Variants in HEATR1 observed in about 807,000 individuals in gnomAD.
The protein encoded by HEATR1 is HEAT repeat-containing protein 1.
A neutral mutation model predicts 248.2 loss-of-function variants in HEATR1; 77 were observed. The ratio of observed to expected loss-of-function variants is 0.31; its 90% confidence interval spans 0.26 to 0.37. The LOEUF (loss-of-function observed/expected upper bound fraction) is 0.37. Ranked by LOEUF, HEATR1 falls within the 10% of genes least tolerant of loss-of-function variation. The pLI, the probability that HEATR1 is intolerant of heterozygous loss-of-function variation, is 1.00. For synonymous variants in HEATR1, 897 were observed against 923.1 expected (o/e 0.97, Z 0.51); for missense variants, 2,420 against 2,504.9 (o/e 0.97, Z 0.72).
At chr1:236,560,902 G>T (rs1663113981) in intron 33 of HEATR1, among the ~76,000 whole-genome samples, 1 of 152,214 alleles carries the variant, frequency 6.6e-6, no homozygotes, top group Non-Finnish European at 1.5e-5. Flanking sequence ...AGAGTGTTGG[G>T]ATAATTAGGG....
chr1:236,572,323 A>G, intron 26 of HEATR1, 88 bp downstream of exon 26: 1 of 1,364,058 alleles, frequency 7.3e-7, no homozygotes, highest in Non-Finnish European at 1.0e-6. Flanking sequence ...TCTAAACAAG[A>G]GAAGAGTATG....
Position 236,595,833 on chromosome 1 carries a change from T to G in HEATR1, c.956A>C (p.Lys319Thr), listed in dbSNP as rs749945048. Residue 319 changes from lysine to threonine, a missense_variant and splice_region_variant, in exon 7 of 45, where the codon AAG becomes ACG. By Grantham distance (78) the Lys-to-Thr change is moderately conservative. Coordinates refer to ENST00000366582, the MANE Select transcript of HEATR1 (RefSeq NM_018072.6). ...CATTTCTCAATTCAATTGTACATAC[T>G]TTTTCCCAAGGCTCTCTGGCTTCTG... ...QRQKPESLGK[K>T]PFPHLCNVPD... 6.2e-7 allele frequency: 1 copy of G among 1,611,236 alleles called. No individual in the cohort carries two copies. The highest frequency in any genetic ancestry group is 1.7e-5 in the Admixed American group (1 of 60,016).
chr1:236,604,462 T>C lies in HEATR1; in HGVS notation c.-73A>G, dbSNP rs1664419553. 1 of 176,696 alleles carries C rather than the reference T, an allele frequency of 5.7e-6. No individual in the cohort carries two copies. The highest frequency in any genetic ancestry group is 1.2e-5 in the Non-Finnish European group (1 of 84,958). 10.9% of individuals were successfully genotyped at this position (176,696 alleles called of 1,614,324 possible). A position where few individuals can be genotyped will look rare whatever the true frequency, so the allele number is the denominator to read the frequency against. On this transcript the variant is annotated 5_prime_UTR_variant, in exon 1 of 45. Transcript: ENST00000366582. ...TGGGTATATCTTGGAAGGCAACAAC[T>C]CTTCACAGCGCTTCCCACATGGTAC...
At chr1:236,575,171 G>C (rs1467845940) in intron 22 of HEATR1, among the ~76,000 whole-genome samples, 1 of 152,138 alleles carries the variant, frequency 6.6e-6, no homozygotes, top group Non-Finnish European at 1.5e-5. Context: ...CAAGACTTGA[G>C]AACAGAAAAC....
chr1:236,574,599 T>C, intron 23 of HEATR1, 62 bp downstream of exon 23: 13 of 1,523,198 alleles, frequency 8.5e-6, no homozygotes, highest in Non-Finnish European at 1.1e-5. Flanking sequence ...GCTGTTCCTG[T>C]TGCCTTCTAC....
chr1:236,586,421 A>G lies in HEATR1; in HGVS notation c.1747T>C (p.Leu583=), dbSNP rs143910559. 4 of 1,612,828 alleles carry G rather than the reference A, an allele frequency of 2.5e-6. No individual in the cohort carries two copies. Among genetic ancestry groups the G allele is most frequent in the Non-Finnish European group, 3.4e-6 (4 of 1,179,138 alleles). Residue 583 remains leucine, a synonymous_variant, in exon 15 of 45, where the codon TTA becomes CTA. Coordinates refer to ENST00000366582, the MANE Select transcript of HEATR1 (RefSeq NM_018072.6). ...TCACTCAGTATCTCTTCTTTAATTA[A>G]TATGTCAGCGGCTATCTTAAGTACC... ...YEVLKIAADI[L]IKEEILSEND... is the part of the protein sequence containing the mutation.
chr1:236,584,552 A>T (rs1663835338), intron 17 of HEATR1, among the ~76,000 whole-genome samples: 1 of 152,252 alleles, frequency 6.6e-6, no homozygotes, highest in Non-Finnish European at 1.5e-5. Context: ...TGTCAAATGT[A>T]AACAGCTGAA....
intron 29 of HEATR1, among the ~76,000 whole-genome samples, chr1:236,567,958 T>C (rs1181778143): frequency 2.6e-5 from 4 of 152,242 alleles, no homozygotes; most frequent in African/African-American, 7.2e-5. Context: ...CAAAATATAG[T>C]TGTTGAATAA....
intron 32 of HEATR1, among the ~76,000 whole-genome samples, chr1:236,562,822 T>C (rs1663167392): frequency 6.6e-6 from 1 of 152,228 alleles, no homozygotes. Flanking sequence ...CCCTGTAATA[T>C]TTGTGCACAT....
At chr1:236,562,548 A>T (rs763115898) in intron 32 of HEATR1, among the ~76,000 whole-genome samples, 6 of 152,168 alleles carry the variant, frequency 3.9e-5, no homozygotes, top group Non-Finnish European at 7.3e-5. Flanking sequence ...CTATGCCTGC[A>T]TGTGTTTCTG....
At chr1:236,575,768 T>C (rs1663548066) in intron 22 of HEATR1, among the ~76,000 whole-genome samples, 1 of 152,240 alleles carries the variant, frequency 6.6e-6, no homozygotes, top group South Asian at 2.1e-4. Context: ...AACTGCTTTC[T>C]TTTGTAACAC....
At chr1:236,567,925 A>G (rs1256460027) in intron 29 of HEATR1, among the ~76,000 whole-genome samples, 2 of 152,222 alleles carry the variant, frequency 1.3e-5, no homozygotes, top group Non-Finnish European at 1.5e-5. Flanking sequence ...AGTTTGAACC[A>G]TTTTACTCCA....
chr1:236,603,338 A>C lies in HEATR1; in HGVS notation c.181T>G (p.Ser61Ala). 6.2e-7 allele frequency: 1 copy of C among 1,614,098 alleles called. No homozygotes were observed. The highest frequency in any genetic ancestry group is 8.5e-7 in the Non-Finnish European group (1 of 1,180,004). The change falls in exon 3 of 45, where the codon TCC becomes GCC. Residue 61 changes from serine to alanine, a missense_variant. Physicochemically the swap from Ser to Ala is moderately conservative, Grantham distance 99. Coordinates refer to ENST00000366582, the MANE Select transcript of HEATR1 (RefSeq NM_018072.6). ...GLEELLGIDP[S>A]FEQFEAPLFS... is the part of the protein sequence containing the mutation. Reference sequence around the variant, plus strand: ...AACGGTGCTTCAAACTGCTCAAAGGAAGGATCAATTCCAAGCAACTCTTCC... The same window carrying C: ...AACGGTGCTTCAAACTGCTCAAAGGCAGGATCAATTCCAAGCAACTCTTCC...
At chr1:236,568,886 AAAAAAAAAAAAC>A in intron 29 of HEATR1, 98 bp downstream of exon 29, 1 of 377,742 alleles carries the variant, frequency 2.6e-6, no homozygotes, top group East Asian at 7.0e-5. Context: ...TGAGGATATT[AAAAAAAAAAAAC>A]AAAAAAAAAA....
Position 236,594,059 on chromosome 1 carries a change from T to C in HEATR1, c.1146A>G (p.Ile382Met). 6.2e-7 allele frequency: 1 copy of C among 1,601,018 alleles called. No homozygotes were observed. Among genetic ancestry groups the C allele is most frequent in the Non-Finnish European group, 8.5e-7 (1 of 1,175,632 alleles). The change falls in exon 9 of 45, where the codon ATA becomes ATG. Residue 382 changes from isoleucine (I) to methionine (M), a missense_variant. Transcript: ENST00000366582. ...TGTTCTTCAGTGATATTTTTGTAAG[T>C]ATAGCTTCTAAGTGTCTCTTGTAGA... ...GQIYKRHLEA[I>M]LTKISLKNNL...
chr1:236,575,626 G>A (rs1366296762), intron 22 of HEATR1, among the ~76,000 whole-genome samples: 1 of 152,158 alleles, frequency 6.6e-6, no homozygotes, highest in Admixed American at 6.5e-5. Context: ...CAATCCATTT[G>A]GCTCATTTTA....
In HEATR1 at chr1:236,559,188, A is replaced by G. The variant is rs1289829579; in HGVS notation, c.4771-53T>C. The G allele has an allele frequency of 3.5e-6, 5 of 1,439,268 alleles. No individual in the cohort carries two copies. In the Admixed American group the frequency reaches 7.2e-5, roughly 21 times the overall value. 89.2% of individuals were successfully genotyped at this position (1,439,268 alleles called of 1,614,324 possible). ...AAAAGAAAAACAAATTAAAAAAAAA[A>G]CCAACTTCAATTAAGACAGACTGCT... On this transcript the variant is annotated intron_variant, in intron 34 of 44. Coordinates refer to ENST00000366582, the MANE Select transcript of HEATR1 (RefSeq NM_018072.6).
At chr1:236,585,703 C>A in intron 16 of HEATR1, 117 bp downstream of exon 16, 2 of 831,140 alleles carry the variant, frequency 2.4e-6, no homozygotes, top group Non-Finnish European at 3.7e-6. Flanking sequence ...AAAGTAAAAC[C>A]AAGTACTCAA....
At chr1:236,572,649 C>A in intron 25 of HEATR1, 76 bp downstream of exon 25, 1 of 1,594,956 alleles carries the variant, frequency 6.3e-7, no homozygotes, top group South Asian at 1.1e-5. Flanking sequence ...TGATGAGTAT[C>A]AAAAAGTTCC....
Sources: allele counts gnomAD v4.1 joint callset (sites outside exome capture counted in the v4.1 genomes callset), GRCh38; gene constraint gnomAD v4.1.1; transcripts MANE v1.5; gene names NCBI Gene and HGNC (gene_info 2026-07-23, HGNC 2026-07-21).